FAM204A: variants seen among roughly 807,000 people sequenced by gnomAD.
FAM204A encodes the protein family with sequence similarity 204 member A, also known as protein FAM204A.
Under a neutral mutation model 35.4 loss-of-function variants are expected in FAM204A, and 16 were observed. The ratio of observed to expected loss-of-function variants is 0.45; its 90% confidence interval spans 0.31 to 0.69. The LOEUF is 0.69. Among genes scored for constraint, FAM204A ranks in the 30% least tolerant of loss-of-function variants. FAM204A has a pLI of 0.07. For synonymous variants in FAM204A, 76 were observed against 86.9 expected, an observed-to-expected ratio of 0.88 and a Z score of 0.70; for missense variants, 240 against 265.7, an observed-to-expected ratio of 0.90 and a Z score of 0.67.
intron 6 of FAM204A, among the ~76,000 whole-genome samples, chr10:118,332,632 T>C (rs780627927): frequency 2.6e-5 from 4 of 151,884 alleles, no homozygotes; most frequent in Admixed American, 6.6e-5. Context: ...AGAGTCTGTT[T>C]GGAAAAAGCA....
At chr10:118,313,995 T>G (rs1845992530) in intron 7 of FAM204A, among the ~76,000 whole-genome samples, 1 of 152,186 alleles carries the variant, frequency 6.6e-6, no homozygotes, top group South Asian at 2.1e-4. Context: ...TCATGTACTC[T>G]AAGAATGTAA....
intron 7 of FAM204A, among the ~76,000 whole-genome samples, chr10:118,321,861 T>C (rs1490674433): frequency 3.3e-5 from 5 of 151,986 alleles, no homozygotes; most frequent in Admixed American, 3.3e-4. Context: ...TAGTGAATAG[T>C]AGCGAGGTAG....
chr10:118,340,512 CA>C (rs1457174511), intron 2 of FAM204A, among the ~76,000 whole-genome samples: 1 of 152,206 alleles, frequency 6.6e-6, no homozygotes, highest in Non-Finnish European at 1.5e-5. Context: ...AGAGTCACCT[CA>C]CTCCTGGATG....
rs927841603 is a variant in FAM204A, at chr10:118,302,437, G to C, written c.*8420C>G. On this transcript the variant is annotated 3_prime_UTR_variant, in exon 9 of 9. Coordinates refer to ENST00000369183, the MANE Select transcript of FAM204A (RefSeq NM_022063.3). ...GCTTGCTCCTGATGGAGCTGCATGA[G>C]TTACAAGGTTTTTAACTGCAAGAAT... 9 of 152,220 alleles carry C rather than the reference G, an allele frequency of 5.9e-5. No homozygotes were observed. The highest frequency in any genetic ancestry group is 2.2e-4 in the African/African-American group (9 of 41,460). 9.4% of individuals were successfully genotyped at this position (152,220 alleles called of 1,614,324 possible).
At chr10:118,329,418 T>A (rs1273035784) in intron 6 of FAM204A, among the ~76,000 whole-genome samples, 2 of 152,208 alleles carry the variant, frequency 1.3e-5, no homozygotes, top group East Asian at 3.9e-4. Context: ...CTATGCTTTT[T>A]AATCTCTGGT....
intron 8 of FAM204A, 106 bp from the exon 9 acceptor site, chr10:118,311,014 A>G: frequency 1.8e-6 from 2 of 1,133,264 alleles, no homozygotes; most frequent in East Asian, 2.4e-5. Context: ...AATTTTTCAC[A>G]TACTCCAATG....
At chr10:118,321,254 C>A (rs1846111563) in intron 7 of FAM204A, among the ~76,000 whole-genome samples, 2 of 151,992 alleles carry the variant, frequency 1.3e-5, no homozygotes, top group African/African-American at 4.8e-5. Context: ...TCTCAAAATC[C>A]CATCTCTCAT....
Position 118,336,218 on chromosome 10 carries a change from T to G in FAM204A, c.198A>C (p.Glu66Asp). The change falls in exon 3 of 9, where the codon GAA becomes GAC. Residue 66 changes from glutamate (E) to aspartate (D), a missense_variant. Physicochemically the swap from Glu to Asp is conservative, Grantham distance 45. Transcript: ENST00000369183. Reference sequence around the variant, plus strand: ...CTATGGGAATTCCAGAAGGACACTCTTCATAGGCATTTACATTTGACTCTG... The same window carrying G: ...CTATGGGAATTCCAGAAGGACACTCGTCATAGGCATTTACATTTGACTCTG... The part of the protein sequence containing the change: ...TETESNVNAY[E>D]ECPSGIPIDM... 2 of 1,613,920 alleles carry G rather than the reference T, an allele frequency of 1.2e-6. No homozygotes were observed. Among genetic ancestry groups the G allele is most frequent in the Non-Finnish European group, 8.5e-7 (1 of 1,179,810 alleles).
rs778019342 is a variant in FAM204A, at chr10:118,335,548, A to G, written c.322+6T>C. 1.2e-6 allele frequency: 2 copies of G among 1,610,248 alleles called. No individual in the cohort carries two copies. Among genetic ancestry groups the G allele is most frequent in the African/African-American group, 2.7e-5 (2 of 74,686 alleles). On this transcript the variant is annotated splice_donor_region_variant and intron_variant, in intron 4 of 8. Coordinates refer to ENST00000369183, the MANE Select transcript of FAM204A (RefSeq NM_022063.3). ...ACGACGAACAACCTGAGTTAAAACA[A>G]AACACCTTTTCTGGAGCGTTTTCTT...
intron 7 of FAM204A, among the ~76,000 whole-genome samples, chr10:118,316,736 CATTCATAT>C (rs1381516500): frequency 2.0e-5 from 3 of 152,016 alleles, no homozygotes; most frequent in Admixed American, 6.6e-5. Flanking sequence ...ATCCACATAT[CATTCATAT>C]ATGTGTGTAT....
chr10:118,341,589 T>C (rs2133299273), intron 2 of FAM204A, 138 bp downstream of exon 2: 1 of 152,308 alleles, frequency 6.6e-6, no homozygotes, highest in African/African-American at 2.4e-5. Flanking sequence ...TATTCAACTG[T>C]TTTAATTAAA....
intron 3 of FAM204A, 83 bp downstream of exon 3, chr10:118,336,099 T>C (rs1037075139): frequency 2.1e-5 from 31 of 1,490,732 alleles, no homozygotes; most frequent in Admixed American, 1.4e-4. Flanking sequence ...CAAGAATACA[T>C]GCACATTCTG....
chr10:118,300,071 ATT>A lies in FAM204A; in HGVS notation c.*10784_*10785del, dbSNP rs1564749669. 6.6e-6 allele frequency: 1 copy of A among 152,138 alleles called. No individual in the cohort carries two copies. The highest frequency in any genetic ancestry group is 2.4e-5 in the African/African-American group (1 of 41,428). 9.4% of individuals were successfully genotyped at this position (152,138 alleles called of 1,614,324 possible). Reference sequence around the variant, plus strand: ...ATTTGGGGGAGATGAGTGGGATGTGATTTCTTGGCCATCTTAATGGGCTGGAC... The same window carrying A: ...ATTTGGGGGAGATGAGTGGGATGTGATCTTGGCCATCTTAATGGGCTGGAC... On this transcript the variant is annotated 3_prime_UTR_variant, in exon 9 of 9. Transcript: ENST00000369183.
chr10:118,316,398 T>C (rs1846031213), intron 7 of FAM204A, among the ~76,000 whole-genome samples: 1 of 152,166 alleles, frequency 6.6e-6, no homozygotes, highest in South Asian at 2.1e-4. Context: ...TTTCCCTCCA[T>C]GGTCACACCT....
chr10:118,310,582 G>T lies in FAM204A; in HGVS notation c.*275C>A. On this transcript the variant is annotated 3_prime_UTR_variant, in exon 9 of 9. Coordinates refer to ENST00000369183, the MANE Select transcript of FAM204A (RefSeq NM_022063.3). ...GCGCCAAAAGTGATTTTATACCAAG[G>T]GTCCATCCATACAAATAAACAAAAT... 2.5e-6 allele frequency: 1 copy of T among 392,464 alleles called. No homozygotes were observed. 24.3% of individuals were successfully genotyped at this position (392,464 alleles called of 1,614,324 possible). A position where few individuals can be genotyped will look rare whatever the true frequency, so the allele number is the denominator to read the frequency against.
chr10:118,335,333 A>C, intron 5 of FAM204A, 63 bp downstream of exon 5: 1 of 1,566,414 alleles, frequency 6.4e-7, no homozygotes, highest in Non-Finnish European at 8.7e-7. Flanking sequence ...TACTATCAGA[A>C]ACAATTAGTT....
chr10:118,302,358 C>G lies in FAM204A; in HGVS notation c.*8499G>C, dbSNP rs1845816841. 6.6e-6 allele frequency: 1 copy of G among 152,278 alleles called. No homozygotes were observed. The highest frequency in any genetic ancestry group is 1.5e-5 in the Non-Finnish European group (1 of 68,056). The allele number at this position is 152,278 out of a possible 1,614,324, so 9.4% of individuals were successfully genotyped here. On this transcript the variant is annotated 3_prime_UTR_variant, in exon 9 of 9. Transcript: ENST00000369183. ...AGTTAAGGCCCTTGAGCAGCCGTCA[C>G]TGCCACAGGCTACGGAGGTAAAGGA...
chr10:118,339,711 C>A (rs1267848599), intron 2 of FAM204A, among the ~76,000 whole-genome samples: 1 of 152,050 alleles, frequency 6.6e-6, no homozygotes, highest in African/African-American at 2.4e-5. Context: ...ACTCAGAATC[C>A]TTTTTCTCTC....
At chr10:118,317,268 T>C (rs1020614989) in intron 7 of FAM204A, among the ~76,000 whole-genome samples, 1 of 152,080 alleles carries the variant, frequency 6.6e-6, no homozygotes, top group African/African-American at 2.4e-5. Context: ...ACAAATTATA[T>C]ATGTGTTTTG....
Sources: gnomAD v4.1 joint callset for allele counts (sites outside exome capture counted in the v4.1 genomes callset) on GRCh38, gnomAD v4.1.1 for gene constraint, MANE v1.5 for transcripts, NCBI Gene and HGNC (gene_info 2026-07-23, HGNC 2026-07-21) for gene names.